Variants in BRAF observed in about 807,000 individuals in gnomAD.
The protein encoded by BRAF is B-Raf proto-oncogene, serine/threonine kinase, also known as serine/threonine-protein kinase B-raf.
Under a neutral mutation model 104.6 loss-of-function variants are expected in BRAF, and 16 were observed. The ratio of observed to expected loss-of-function variants is 0.15; its 90% CI spans 0.10 to 0.23. The LOEUF (loss-of-function observed/expected upper bound fraction) is 0.23, where lower values mean the gene tolerates loss of function less well. Ranked by LOEUF, BRAF falls within the 10% of genes least tolerant of loss-of-function variation. The pLI, the probability that BRAF is intolerant of heterozygous loss-of-function variation, is 1.00. For missense variants in BRAF, 541 were observed against 937.3 expected, an observed-to-expected ratio of 0.58 and a Z score of 5.52; for synonymous variants, 310 against 341.6, an observed-to-expected ratio of 0.91 and a Z score of 1.02.
chr7:140,721,817 G>C lies in BRAF; in HGVS notation c.*4677C>G. 1 of 1,394,890 alleles carries C rather than the reference G, an allele frequency of 7.2e-7. No individual in the cohort carries two copies. The highest frequency in any genetic ancestry group is 9.3e-7 in the Non-Finnish European group (1 of 1,076,372). 86.4% of individuals were successfully genotyped at this position (1,394,890 alleles called of 1,614,324 possible). The stretch of plus-strand genomic sequence containing the variant: ...TACATCCAATGGCCAGGTCATAAAG[G>C]ATGCCTTGAGACCTCCACCCTGGCC... On this transcript the variant is annotated 3_prime_UTR_variant, in exon 20 of 20. Coordinates refer to ENST00000644969, the MANE Select transcript of BRAF (RefSeq NM_001374258.1).
At position 140,762,002 on chromosome 7, in the gene BRAF, C is replaced by T. The variant is rs542358683; in HGVS notation, c.1815-7769G>A. Among the ~76,000 whole-genome samples the T allele has an allele frequency of 3.3e-5, 5 of 152,226 alleles. No individual in the cohort carries two copies. The East Asian group carries it at 5.8e-4, about 18-fold the overall frequency. On this transcript the variant is annotated intron_variant, in intron 14 of 19. Transcript: ENST00000644969. ...CAACGCGACAGAAAGTTAATAAGGA[C>T]ACCCAGGAATTGAACTCAGCTCTGC...
chr7:140,732,813 T>C (rs961031840), intron 19 of BRAF: 11 of 152,212 alleles, frequency 7.2e-5, no homozygotes, highest in African/African-American at 2.7e-4. Flanking sequence ...ACCCCTGACC[T>C]TGTGCCTCAA....
intron 13 of BRAF, 115 bp from the exon 13 acceptor site, chr7:140,777,203 T>A: frequency 8.9e-7 from 1 of 1,117,462 alleles, no homozygotes; most frequent in Non-Finnish European, 1.3e-6. Flanking sequence ...CTTTTTTTTT[T>A]TTAAAAAAGG....
chr7:140,754,565 T>G (rs1462802290), intron 14 of BRAF, among the ~76,000 whole-genome samples: 1 of 152,118 alleles, frequency 6.6e-6, no homozygotes, highest in Non-Finnish European at 1.5e-5. Flanking sequence ...ATCCCACCAC[T>G]GTGTTCAATG....
chr7:140,861,328 T>C (rs1810393067), intron 1 of BRAF, among the ~76,000 whole-genome samples: 2 of 152,172 alleles, frequency 1.3e-5, no homozygotes, highest in African/African-American at 4.8e-5. Context: ...CACAGAGTGT[T>C]TGTTAGGTAC....
chr7:140,901,640 G>T (rs1310460333), intron 1 of BRAF, among the ~76,000 whole-genome samples: 2 of 152,104 alleles, frequency 1.3e-5, no homozygotes, highest in African/African-American at 4.8e-5. Context: ...TCAGTACAGG[G>T]TATGTACCAT....
chr7:140,784,944 G>C (rs1801209119), intron 10 of BRAF, among the ~76,000 whole-genome samples: 1 of 152,154 alleles, frequency 6.6e-6, no homozygotes, highest in Non-Finnish European at 1.5e-5. Context: ...ACCGCGCCTG[G>C]CCCGACTTAA....
chr7:140,826,071 ACT>A (rs769389750), intron 3 of BRAF, among the ~76,000 whole-genome samples: 1 of 151,706 alleles, frequency 6.6e-6, no homozygotes, highest in Non-Finnish European at 1.5e-5. Flanking sequence ...ATTTTCTATA[ACT>A]CTCTTTCTTC....
At chr7:140,889,740 C>G (rs966225310) in intron 1 of BRAF, among the ~76,000 whole-genome samples, 1 of 152,184 alleles carries the variant, frequency 6.6e-6, no homozygotes, top group Non-Finnish European at 1.5e-5. Context: ...CCAAATTCAA[C>G]CCATCAGTCA....
At chr7:140,854,433 C>G (rs1264360160) in intron 1 of BRAF, among the ~76,000 whole-genome samples, 1 of 151,882 alleles carries the variant, frequency 6.6e-6, no homozygotes, top group African/African-American at 2.4e-5. Context: ...AACAGGTCAT[C>G]CTAGTTCAGT....
At chr7:140,840,694 G>T (rs911702446) in intron 2 of BRAF, among the ~76,000 whole-genome samples, 1 of 151,460 alleles carries the variant, frequency 6.6e-6, no homozygotes, top group South Asian at 2.1e-4. Flanking sequence ...GGGAGGCTGA[G>T]GTGGGAGGAT....
chr7:140,905,106 T>C (rs1199887162), intron 1 of BRAF, among the ~76,000 whole-genome samples: 2 of 152,224 alleles, frequency 1.3e-5, no homozygotes, highest in African/African-American at 4.8e-5. Context: ...TTGAAAAGAA[T>C]GTGTAGCCTG....
Position 140,787,620 on chromosome 7 carries a change from A to C in BRAF, c.1141-36T>G, listed in dbSNP as rs750285039. On this transcript the variant is annotated intron_variant, in intron 8 of 19. Coordinates refer to ENST00000644969, the MANE Select transcript of BRAF (RefSeq NM_001374258.1). ...ATAGTAATGTATATTTATTCCAAGCAAGCATATAATCAGAGAGTAGCGATA... is the reference window on the plus strand; with the variant it reads ...ATAGTAATGTATATTTATTCCAAGCCAGCATATAATCAGAGAGTAGCGATA... 11 of 1,576,564 alleles carry C rather than the reference A, an allele frequency of 7.0e-6. No homozygotes were observed. In the South Asian group the frequency reaches 1.0e-4, roughly 14 times the overall value.
chr7:140,794,780 G>A (rs1802344560), intron 7 of BRAF, among the ~76,000 whole-genome samples: 1 of 152,128 alleles, frequency 6.6e-6, no homozygotes, highest in Non-Finnish European at 1.5e-5. Context: ...AACCTTTGAA[G>A]TTATATAAAA....
intron 3 of BRAF, among the ~76,000 whole-genome samples, chr7:140,810,249 C>T (rs767575867): frequency 3.3e-5 from 5 of 151,920 alleles, no homozygotes; most frequent in Admixed American, 6.6e-5. Context: ...AATAACAGGA[C>T]GCAGAGGGTA....
At chr7:140,718,826 A>G (rs1795195321), downstream of BRAF, among the ~76,000 whole-genome samples, 1 of 152,244 alleles carries the variant, frequency 6.6e-6, no homozygotes, top group Admixed American at 6.5e-5. Flanking sequence ...AATGCAGAAA[A>G]TCAACTCACT....
intron 14 of BRAF, among the ~76,000 whole-genome samples, chr7:140,774,586 G>T (rs546685947): frequency 2.6e-5 from 4 of 152,150 alleles, no homozygotes; most frequent in African/African-American, 7.2e-5. Context: ...GCACAATCAC[G>T]ACTCCTTGCA....
Position 140,723,080 on chromosome 7 carries a change from T to C in BRAF, c.*3414A>G. ...TATTCATTACCTCATTCTGAAGAGG[T>C]AGTTTTTTGTAGAGGTCACCTGAAC... On this transcript the variant is annotated 3_prime_UTR_variant, in exon 20 of 20. Coordinates refer to ENST00000644969, the MANE Select transcript of BRAF (RefSeq NM_001374258.1). The C allele has an allele frequency of 9.5e-7, 1 of 1,050,898 alleles. No homozygotes were observed. Among genetic ancestry groups the C allele is most frequent in the Non-Finnish European group, 1.1e-6 (1 of 870,286 alleles). 65.1% of individuals were successfully genotyped at this position (1,050,898 alleles called of 1,614,324 possible).
At chr7:140,733,878 T>C (rs1377806251) in intron 19 of BRAF, 2 of 557,184 alleles carry the variant, frequency 3.6e-6, no homozygotes, top group Non-Finnish European at 4.6e-6. Flanking sequence ...ACATCCTTAA[T>C]GTATTTTAAA....
Sources: allele counts gnomAD v4.1 joint callset (sites outside exome capture counted in the v4.1 genomes callset), GRCh38; gene constraint gnomAD v4.1.1; transcripts MANE v1.5; gene names NCBI Gene and HGNC (gene_info 2026-07-23, HGNC 2026-07-21).